The following ERVV-2 variants were observed in gnomAD, a reference collection of about 807,000 sequenced individuals.
ERVV-2 encodes the protein endogenous retrovirus group V member 2, envelope.
For missense variants in ERVV-2, 291 were observed against 495.1 expected, an observed-to-expected ratio of 0.59 and a Z score of 3.91; for synonymous variants, 105 against 184.6, an observed-to-expected ratio of 0.57 and a Z score of 3.49.
At chr19:53,045,202 C>A (rs1202686013) in intron 1 of ERVV-2, among the ~76,000 whole-genome samples, 1 of 152,196 alleles carries the variant, frequency 6.6e-6, no homozygotes, top group Non-Finnish European at 1.5e-5. Context: ...ATTTAAACTC[C>A]ACAGTGAGTA....
At chr19:53,047,031 G>C (rs1000977469) in intron 1 of ERVV-2, among the ~76,000 whole-genome samples, 1 of 152,086 alleles carries the variant, frequency 6.6e-6, no homozygotes, top group Non-Finnish European at 1.5e-5. Flanking sequence ...TGGTGGCATG[G>C]ATCTGTTATC....
At position 53,044,783 on chromosome 19, in the gene ERVV-2, G is replaced by A. The variant is rs932210605; in HGVS notation, c.-561G>A. On this transcript the variant is annotated 5_prime_UTR_variant, in exon 1 of 2. The change creates a new upstream start codon in the 5' untranslated region. Coordinates refer to ENST00000601417, the MANE Select transcript of ERVV-2 (RefSeq NM_001191055.2). ...AGCCCACTCGGTTCTGTCGTTCAGG[G>A]TGTCGCTTCTTTCTGAGCTCCTGTC... The A allele has an allele frequency of 2.0e-5, 3 of 152,058 alleles. No homozygotes were observed. The highest frequency in any genetic ancestry group is 7.2e-5 in the African/African-American group (3 of 41,386). 9.4% of individuals were successfully genotyped at this position (152,058 alleles called of 1,614,324 possible).
Position 53,050,609 on chromosome 19 carries a change from C to T in ERVV-2, c.1358C>T (p.Ser453Phe). Residue 453 changes from serine (S) to phenylalanine (F), a missense_variant, in exon 2 of 2, where the codon TCC becomes TTC. Transcript: ENST00000601417. ...IWEAVKSALP[S>F]LNWFVPLLGP... ...GAGGCTGTGAAGTCTGCCCTCCCCT[C>T]CCTCAACTGGTTTGTCCCTTTACTG... The T allele has an allele frequency of 4.4e-6, 5 of 1,146,052 alleles. No individual in the cohort carries two copies. The highest frequency in any genetic ancestry group is 6.3e-6 in the Non-Finnish European group (5 of 791,068). The allele number at this position is 1,146,052 out of a possible 1,614,324, so 71.0% of individuals were successfully genotyped here. A position where few individuals can be genotyped will look rare whatever the true frequency, so the allele number is the denominator to read the frequency against.
chr19:53,047,349 A>C (rs1275737747), intron 1 of ERVV-2, among the ~76,000 whole-genome samples: 1 of 152,186 alleles, frequency 6.6e-6, no homozygotes, highest in Admixed American at 6.5e-5. Context: ...ACTGTCTCAA[A>C]AAAAAGGACT....
rs2083913598 is a variant in ERVV-2, at chr19:53,051,327, G to A, written c.*468G>A. Reference sequence around the variant, plus strand: ...ATGCCCGGCTAATTTTGTATTTTTAGTAGAGATGGGGTTTCACCATGTTGG... The same window carrying A: ...ATGCCCGGCTAATTTTGTATTTTTAATAGAGATGGGGTTTCACCATGTTGG... On this transcript the variant is annotated 3_prime_UTR_variant, in exon 2 of 2. Coordinates refer to ENST00000601417, the MANE Select transcript of ERVV-2 (RefSeq NM_001191055.2). 6.6e-6 allele frequency among the ~76,000 whole-genome samples: 1 copy of A among 151,924 alleles called. No homozygotes were observed. The highest frequency in any genetic ancestry group is 1.9e-4 in the East Asian group (1 of 5,148).
At chr19:53,048,043 A>C (rs1443595404) in intron 1 of ERVV-2, among the ~76,000 whole-genome samples, 1 of 152,122 alleles carries the variant, frequency 6.6e-6, no homozygotes, top group Non-Finnish European at 1.5e-5. Flanking sequence ...CAAAAGAAAA[A>C]GAAAAGGAAA....
Position 53,051,631 on chromosome 19 carries a change from C to T in ERVV-2, c.*772C>T, listed in dbSNP as rs1247847885. 6.6e-6 allele frequency among the ~76,000 whole-genome samples: 1 copy of T among 152,138 alleles called. No individual in the cohort carries two copies. The highest frequency in any genetic ancestry group is 1.5e-5 in the Non-Finnish European group (1 of 68,034). ...AAAACTAAGGCACTAGCAGCTGGCT[C>T]ATTCTTCTGATGTCCTCTCTTTTTA... On this transcript the variant is annotated 3_prime_UTR_variant, in exon 2 of 2. Transcript: ENST00000601417.
In ERVV-2 at chr19:53,051,240, A is replaced by G. The variant is rs1650982; in HGVS notation, c.*381A>G. On this transcript the variant is annotated 3_prime_UTR_variant, in exon 2 of 2. Transcript: ENST00000601417. ...CGGCTCACTGCACCCTCCACCTCCC[A>G]GGTTCAATTGATTCTCCTGTTTCAG... is the stretch of plus-strand genomic sequence containing the variant. Among the ~76,000 whole-genome samples the G allele has an allele frequency of 0.21, 29,618 of 139,712 alleles. 3,410 individuals are homozygous for G. Among genetic ancestry groups the G allele is most frequent in the African/African-American group, 0.33 (12,558 of 38,358 alleles). The allele number at this position is 139,712 out of a possible 152,430, so 91.7% of individuals were successfully genotyped here.
chr19:53,050,693 T>A lies in ERVV-2; in HGVS notation c.1442T>A (p.Leu481Gln). 5 of 1,528,984 alleles carry A rather than the reference T, an allele frequency of 3.3e-6. No individual in the cohort carries two copies. Among genetic ancestry groups the A allele is most frequent in the Non-Finnish European group, 4.4e-6 (5 of 1,140,390 alleles). The allele number at this position is 1,528,984 out of a possible 1,614,324, so 94.7% of individuals were successfully genotyped here. A position where few individuals can be genotyped will look rare whatever the true frequency, so the allele number is the denominator to read the frequency against. ...TTTGGCCCTTGTTTCTTTAATTTAC[T>A]GATTAAGTGTGTCTCTTCTAGGATA... ...FLFGPCFFNLLIKCVSSRIKQ... is the reference protein window; with the variant it reads ...FLFGPCFFNLQIKCVSSRIKQ... The change falls in exon 2 of 2, where the codon CTG becomes CAG. Residue 481 changes from leucine (L) to glutamine (Q), a missense_variant. Leu to Gln is a moderately radical substitution (Grantham distance 113, BLOSUM62 -2). Transcript: ENST00000601417.
At chr19:53,048,444 G>A (rs1287943661) in intron 1 of ERVV-2, among the ~76,000 whole-genome samples, 3 of 151,906 alleles carry the variant, frequency 2.0e-5, no homozygotes, top group African/African-American at 4.8e-5. Context: ...TTGAGAGGCT[G>A]AAGCAGGTAG....
At position 53,051,405 on chromosome 19, in the gene ERVV-2, TA is replaced by T. The variant is rs2083913896; in HGVS notation, c.*549del. The stretch of plus-strand genomic sequence containing the variant: ...AGGTGATTCGCTCGCCTCGGCCTCC[TA>T]AAGTGCTGGGATTATAGACGTGAGC... On this transcript the variant is annotated 3_prime_UTR_variant, in exon 2 of 2. Transcript: ENST00000601417. Among the ~76,000 whole-genome samples the T allele has an allele frequency of 6.6e-6, 1 of 151,960 alleles. No homozygotes were observed. The highest frequency in any genetic ancestry group is 2.4e-5 in the African/African-American group (1 of 41,370).
rs57887970 is a variant in ERVV-2 at position 53,051,136 on chromosome 19, C to CTT, written c.*304_*305dup. 699 of 111,200 alleles carry CTT rather than the reference C, an allele frequency of 6.3e-3. 81 individuals are homozygous for CTT. The highest frequency in any genetic ancestry group is 8.1e-3 in the East Asian group (24 of 2,964). 6.9% of individuals were successfully genotyped at this position (111,200 alleles called of 1,614,324 possible). ...TAACCCATCCTAGAACAGCCTTTTGCTTTTTTTTTTTTTTTTTTTTTTTTT... is the reference window on the plus strand; with the variant it reads ...TAACCCATCCTAGAACAGCCTTTTGCTTTTTTTTTTTTTTTTTTTTTTTTTTT... On this transcript the variant is annotated 3_prime_UTR_variant, in exon 2 of 2. Transcript: ENST00000601417.
In ERVV-2 at chr19:53,050,433, G is replaced by A. The variant is rs12975552; in HGVS notation, c.1182G>A (p.Glu394=). ...NRLALDYLLA[E]QGGVCAVINK... The stretch of plus-strand genomic sequence containing the variant: ...TGGCCTTAGATTACCTCTTAGCAGA[G>A]CAGGGTGGAGTCTGTGCAGTGATCA... Residue 394 remains glutamate, a synonymous_variant, in exon 2 of 2, where the codon GAG becomes GAA. Coordinates refer to ENST00000601417, the MANE Select transcript of ERVV-2 (RefSeq NM_001191055.2). The A allele has an allele frequency of 0.38, 276,243 of 730,682 alleles. 53,542 individuals are homozygous for A. Among genetic ancestry groups the A allele is most frequent in the Middle Eastern group, 0.48 (2,102 of 4,406 alleles). 45.3% of individuals were successfully genotyped at this position (730,682 alleles called of 1,614,324 possible). A position where few individuals can be genotyped will look rare whatever the true frequency, so the allele number is the denominator to read the frequency against.
In ERVV-2 at chr19:53,050,610, C is replaced by T. The variant is rs930804588; in HGVS notation, c.1359C>T (p.Ser453=). 1.7e-6 allele frequency: 2 copies of T among 1,162,782 alleles called. No homozygotes were observed. Among genetic ancestry groups the T allele is most frequent in the Non-Finnish European group, 2.5e-6 (2 of 806,426 alleles). The allele number at this position is 1,162,782 out of a possible 1,614,324, so 72.0% of individuals were successfully genotyped here. Residue 453 remains serine, a synonymous_variant, in exon 2 of 2, where the codon TCC becomes TCT. Coordinates refer to ENST00000601417, the MANE Select transcript of ERVV-2 (RefSeq NM_001191055.2). ...AGGCTGTGAAGTCTGCCCTCCCCTC[C>T]CTCAACTGGTTTGTCCCTTTACTGG... is the stretch of plus-strand genomic sequence containing the variant. ...IWEAVKSALP[S]LNWFVPLLGP... is the part of the protein sequence containing the mutation.
chr19:53,045,316 G>T (rs59255996), intron 1 of ERVV-2, among the ~76,000 whole-genome samples: 1 of 151,440 alleles, frequency 6.6e-6, no homozygotes, highest in Non-Finnish European at 1.5e-5. Flanking sequence ...TTTTTTGTGG[G>T]GGGGAGGACA....
At chr19:53,048,389 A>C (rs1381254533) in intron 1 of ERVV-2, among the ~76,000 whole-genome samples, 1 of 151,072 alleles carries the variant, frequency 6.6e-6, no homozygotes, top group Non-Finnish European at 1.5e-5. Flanking sequence ...AAAACAAACA[A>C]AAAAAAGGCC....
In ERVV-2 at chr19:53,050,440, G is replaced by A. The variant is rs1367817693; in HGVS notation, c.1189G>A (p.Gly397Arg). The A allele has an allele frequency of 5.5e-6, 4 of 725,706 alleles. No homozygotes were observed. Among genetic ancestry groups the A allele is most frequent in the Non-Finnish European group, 9.9e-6 (4 of 406,028 alleles). 45.0% of individuals were successfully genotyped at this position (725,706 alleles called of 1,614,324 possible). Residue 397 changes from glycine to arginine, a missense_variant, in exon 2 of 2, where the codon GGA (glycine) becomes AGA (arginine). Physicochemically the swap from Gly to Arg is moderately radical, Grantham distance 125. Transcript: ENST00000601417. ...ALDYLLAEQGGVCAVINKSCC... is the reference protein window; with the variant it reads ...ALDYLLAEQGRVCAVINKSCC... The stretch of plus-strand genomic sequence containing the variant: ...AGATTACCTCTTAGCAGAGCAGGGT[G>A]GAGTCTGTGCAGTGATCAATAAATC...
At chr19:53,045,356 G>A (rs2083886924) in intron 1 of ERVV-2, among the ~76,000 whole-genome samples, 3 of 152,020 alleles carry the variant, frequency 2.0e-5, no homozygotes, top group Admixed American at 2.0e-4. Flanking sequence ...AGGCTGGAGC[G>A]CAGTGGTGTG....
chr19:53,045,787 C>T (rs1227070192), intron 1 of ERVV-2, among the ~76,000 whole-genome samples: 1 of 152,084 alleles, frequency 6.6e-6, no homozygotes, highest in Non-Finnish European at 1.5e-5. Flanking sequence ...GGGTGCAAGC[C>T]TCTTGCAGGG....
Sources: gnomAD v4.1 joint callset for allele counts (sites outside exome capture counted in the v4.1 genomes callset) on GRCh38, gnomAD v4.1.1 for gene constraint, MANE v1.5 for transcripts, NCBI Gene and HGNC (gene_info 2026-07-23, HGNC 2026-07-21) for gene names.